GLYR1: variants seen among roughly 807,000 people sequenced by gnomAD.
GLYR1 encodes glyoxylate reductase 1 homolog, also known as cytokine-like nuclear factor N-PAC.
In GLYR1, 21 loss-of-function variants were observed where a neutral mutation model predicts 72.7. The ratio of observed to expected loss-of-function variants is 0.29; its 90% CI spans 0.20 to 0.42. The LOEUF is 0.42. Ranked by LOEUF, GLYR1 falls within the 10% of genes least tolerant of loss-of-function variation. The pLI is 1.00. For synonymous variants in GLYR1, 392 were observed against 270.2 expected (o/e 1.45, Z -4.42); for missense variants, 594 against 712.1 (o/e 0.83, Z 1.89).
At chr16:4,807,809 A>T (rs187634662) in intron 15 of GLYR1, among the ~76,000 whole-genome samples, 74 of 152,350 alleles carry the variant, frequency 4.9e-4, no homozygotes, top group Non-Finnish European at 9.6e-4. Context: ...TATAAAATAC[A>T]CAACGAATTC....
At chr16:4,834,836 A>G (rs1449347273) in intron 3 of GLYR1, among the ~76,000 whole-genome samples, 3 of 152,138 alleles carry the variant, frequency 2.0e-5, no homozygotes, top group Non-Finnish European at 1.5e-5. Context: ...TGCTGGGAGG[A>G]AAAGTGGAAG....
In GLYR1 at chr16:4,805,099, G is replaced by C; in HGVS notation, c.*137C>G. ...GGGTGCTGCTGTGTGCTGTGCTGAT[G>C]GCAAGTCTCAAAGTCTGTATAAAAG... On this transcript the variant is annotated 3_prime_UTR_variant, in exon 16 of 16. Coordinates refer to ENST00000321919, the MANE Select transcript of GLYR1 (RefSeq NM_032569.4). 1 of 729,310 alleles carries C rather than the reference G, an allele frequency of 1.4e-6. No individual in the cohort carries two copies. Among genetic ancestry groups the C allele is most frequent in the Non-Finnish European group, 2.4e-6 (1 of 410,016 alleles). The allele number at this position is 729,310 out of a possible 1,614,324, so 45.2% of individuals were successfully genotyped here.
chr16:4,827,864 C>T (rs891705873), intron 5 of GLYR1, among the ~76,000 whole-genome samples: 3 of 151,914 alleles, frequency 2.0e-5, no homozygotes, highest in African/African-American at 7.2e-5. Flanking sequence ...TGCGCCACTG[C>T]ACCGCAGCCT....
At chr16:4,836,961 C>G (rs1006800923) in intron 3 of GLYR1, among the ~76,000 whole-genome samples, 6 of 152,220 alleles carry the variant, frequency 3.9e-5, no homozygotes, top group African/African-American at 1.2e-4. Context: ...GCTGGCATAA[C>G]TGCACCTGTA....
intron 3 of GLYR1, among the ~76,000 whole-genome samples, chr16:4,841,320 G>C (rs2085527952): frequency 6.6e-6 from 1 of 151,398 alleles, no homozygotes; most frequent in Admixed American, 6.6e-5. Flanking sequence ...TAGTCTTTTA[G>C]CATTAAAAAA....
chr16:4,832,957 T>C lies in GLYR1; in HGVS notation c.156-45A>G, dbSNP rs553008335. 4 of 1,530,524 alleles carry C rather than the reference T, an allele frequency of 2.6e-6. No homozygotes were observed. In the African/African-American group the frequency reaches 5.5e-5, roughly 21 times the overall value. 94.8% of individuals were successfully genotyped at this position (1,530,524 alleles called of 1,614,324 possible). On this transcript the variant is annotated intron_variant, in intron 3 of 15. Coordinates refer to ENST00000321919, the MANE Select transcript of GLYR1 (RefSeq NM_032569.4). Reference sequence around the variant, plus strand: ...AAAAGGGTGTGAACCATATAGCATATGCCCTAAAGTATCAACAACCTCACT... The same window carrying C: ...AAAAGGGTGTGAACCATATAGCATACGCCCTAAAGTATCAACAACCTCACT...
chr16:4,836,805 T>C (rs1478075086), intron 3 of GLYR1, among the ~76,000 whole-genome samples: 1 of 149,872 alleles, frequency 6.7e-6, no homozygotes, highest in Non-Finnish European at 1.5e-5. Context: ...TGAACACATA[T>C]TATATTGGAA....
intron 9 of GLYR1, 131 bp downstream of exon 9, chr16:4,821,249 A>G: frequency 1.1e-6 from 1 of 872,754 alleles, no homozygotes; most frequent in East Asian, 2.5e-5. Context: ...GAGTTACAAC[A>G]TCCCCCCACC....
At chr16:4,835,344 TAC>T (rs1406074320) in intron 3 of GLYR1, among the ~76,000 whole-genome samples, 1 of 152,220 alleles carries the variant, frequency 6.6e-6, no homozygotes, top group Non-Finnish European at 1.5e-5. Flanking sequence ...GAAGGAACTG[TAC>T]AGTCAAAATT....
intron 2 of GLYR1, 98 bp from the exon 3 acceptor site, chr16:4,845,251 A>T (rs1174792457): frequency 3.9e-6 from 3 of 774,058 alleles, no homozygotes; most frequent in Non-Finnish European, 6.6e-6. Context: ...GCTAAGAAAA[A>T]AGTAAATTAA....
intron 15 of GLYR1, among the ~76,000 whole-genome samples, chr16:4,805,573 T>G (rs780625050): frequency 6.6e-6 from 1 of 152,370 alleles, no homozygotes; most frequent in South Asian, 2.1e-4. Context: ...ACATTCAGCA[T>G]TGGCCGGGCA....
At chr16:4,822,495 A>G (rs1027356966) in intron 7 of GLYR1, among the ~76,000 whole-genome samples, 5 of 151,552 alleles carry the variant, frequency 3.3e-5, no homozygotes, top group African/African-American at 1.2e-4. Context: ...GGTTCAAGCA[A>G]TTCTCCTGCC....
intron 7 of GLYR1, among the ~76,000 whole-genome samples, chr16:4,822,583 G>A (rs1183252164): frequency 6.6e-6 from 1 of 152,150 alleles, no homozygotes; most frequent in African/African-American, 2.4e-5. Context: ...TAGAGATGAG[G>A]TTTCACCATG....
At position 4,803,349 on chromosome 16, in the gene GLYR1, A is replaced by G. The variant is rs2082796430; in HGVS notation, c.*1887T>C. 6.5e-6 allele frequency: 1 copy of G among 152,696 alleles called. No homozygotes were observed. The allele number at this position is 152,696 out of a possible 1,614,324, so 9.5% of individuals were successfully genotyped here. A position where few individuals can be genotyped will look rare whatever the true frequency, so the allele number is the denominator to read the frequency against. On this transcript the variant is annotated 3_prime_UTR_variant, in exon 16 of 16. Transcript: ENST00000321919. ...AAAAACAAAGCAAAAATAAAAATTC[A>G]CAACCTTAATTACCTAGATTTGTCA...
Position 4,814,539 on chromosome 16 carries a change from C to G in GLYR1, c.1015G>C (p.Asp339His), listed in dbSNP as rs1468675084. The change falls in exon 11 of 16, where the codon GAC (aspartate) becomes CAC (histidine). Residue 339 changes from aspartate (D) to histidine (H), a missense_variant and splice_region_variant. By Grantham distance (81) the Asp-to-His change is moderately conservative. Around this residue, in one of 5 missense-constraint regions of GLYR1, gnomAD observed 266 missense variants for 358.4 expected, o/e 0.74. Transcript: ENST00000321919. ...GAGGGGAGGGAGGGGGTCCTTACGT[C>G]CTTGGCCGCCTTGGGATCCGACACG... ...ACVSDPKAAKDLVLGPSGVLQ... is the reference protein window; with the variant it reads ...ACVSDPKAAKHLVLGPSGVLQ... 6.2e-7 allele frequency: 1 copy of G among 1,613,016 alleles called. No individual in the cohort carries two copies. The highest frequency in any genetic ancestry group is 8.5e-7 in the Non-Finnish European group (1 of 1,179,816).
chr16:4,816,421 G>A (rs1181814492), intron 10 of GLYR1, among the ~76,000 whole-genome samples: 1 of 152,116 alleles, frequency 6.6e-6, no homozygotes, highest in Admixed American at 6.6e-5. Context: ...AGGATTATAG[G>A]TGTGAGCCTA....
chr16:4,844,172 A>G lies in GLYR1; in HGVS notation c.155+902T>C, dbSNP rs562954725. On this transcript the variant is annotated intron_variant, in intron 3 of 15. Transcript: ENST00000321919. ...GCTAGACCCAGGTAAGCCACTTGAC[A>G]TAGTGATAAAAAGCTAAACAAATCA... 3.3e-5 allele frequency among the ~76,000 whole-genome samples: 5 copies of G among 152,036 alleles called. No individual in the cohort carries two copies. The East Asian group carries it at 5.8e-4, about 18-fold the overall frequency.
intron 15 of GLYR1, among the ~76,000 whole-genome samples, chr16:4,806,718 A>G (rs1319253780): frequency 1.3e-5 from 2 of 151,966 alleles, no homozygotes; most frequent in Admixed American, 1.3e-4. Context: ...AAGGATTTAT[A>G]CCGCAATCTG....
chr16:4,839,179 GCA>G (rs372606508), intron 3 of GLYR1: 9 of 151,936 alleles, frequency 5.9e-5, no homozygotes, highest in Non-Finnish European at 1.0e-4. Flanking sequence ...CAGAGAAAAA[GCA>G]CACACACACA....
Sources: gnomAD v4.1 joint callset for allele counts (sites outside exome capture counted in the v4.1 genomes callset) on GRCh38, gnomAD v4.1.1 for gene constraint, gnomAD v4.1.1 regional missense constraint, MANE v1.5 for transcripts, NCBI Gene and HGNC (gene_info 2026-07-23, HGNC 2026-07-21) for gene names.